SLC28A3: variants seen among roughly 807,000 people sequenced by gnomAD.
SLC28A3 encodes solute carrier family 28 member 3.
In SLC28A3, 68 loss-of-function variants were observed where a neutral mutation model predicts 84.2. That is an observed-to-expected ratio of 0.81 (90% CI 0.66 to 0.99). SLC28A3 has a LOEUF of 0.99. SLC28A3 is among the 50% of genes least tolerant of loss of function. The pLI, the probability that SLC28A3 is intolerant of heterozygous loss-of-function variation, is 0.00. For missense variants in SLC28A3, 712 were observed against 841.5 expected (o/e 0.85, Z 1.90); for synonymous variants, 267 against 303.6 (o/e 0.88, Z 1.25).
the SLC28A3 span, among the ~76,000 whole-genome samples, chr9:84,363,439 A>G: frequency 1.3e-5 from 2 of 152,166 alleles, no homozygotes; most frequent in African/African-American, 2.4e-5. Flanking sequence ...GACTATTCCC[A>G]TTGTTCATTC....
intron 5 of SLC28A3, among the ~76,000 whole-genome samples, chr9:84,301,349 C>CAAAAAA (rs59917986): frequency 9.8e-3 from 427 of 43,656 alleles, no homozygotes; most frequent in Middle Eastern, 0.019. Flanking sequence ...GACTCTGTCT[C>CAAAAAA]AAAAAAAAAA....
At chr9:84,312,522 C>G (rs1162174517) in intron 2 of SLC28A3, among the ~76,000 whole-genome samples, 1 of 150,372 alleles carries the variant, frequency 6.7e-6, no homozygotes, top group Non-Finnish European at 1.5e-5. Flanking sequence ...AAATGACACA[C>G]TAGTGGGCAC....
intron 15 of SLC28A3, among the ~76,000 whole-genome samples, 176 bp from the exon 16 acceptor site, chr9:84,280,249 A>G (rs959290634): frequency 2.0e-5 from 3 of 152,116 alleles, no homozygotes; most frequent in African/African-American, 7.2e-5. Flanking sequence ...ACATACAGAG[A>G]AATTCTCTGC....
upstream of SLC28A3, among the ~76,000 whole-genome samples, chr9:84,342,044 G>A (rs1340127002): frequency 6.8e-6 from 1 of 147,362 alleles, no homozygotes; most frequent in East Asian, 2.0e-4. Flanking sequence ...CGGGAGAATC[G>A]CTTGAACCCA....
chr9:84,304,686 A>G (rs1438637919), intron 4 of SLC28A3, among the ~76,000 whole-genome samples: 1 of 152,172 alleles, frequency 6.6e-6, no homozygotes, highest in Admixed American at 6.6e-5. Flanking sequence ...CCACCTGACA[A>G]TAACAAAGGC....
intron 3 of SLC28A3, among the ~76,000 whole-genome samples, chr9:84,308,583 T>C (rs545703137): frequency 3.3e-4 from 50 of 152,190 alleles, no homozygotes; most frequent in Admixed American, 3.0e-3. Flanking sequence ...GATTTAAAAT[T>C]AGCACCACTG....
intron 8 of SLC28A3, among the ~76,000 whole-genome samples, chr9:84,296,612 T>C (rs1475922531): frequency 6.6e-6 from 1 of 152,262 alleles, no homozygotes; most frequent in Non-Finnish European, 1.5e-5. Flanking sequence ...AGGAACTGAC[T>C]GTGGCCAGCC....
intron 1 of SLC28A3, among the ~76,000 whole-genome samples, chr9:84,338,660 G>T (rs73466592): frequency 0.072 from 11,025 of 152,154 alleles, 1,251 homozygotes; most frequent in African/African-American, 0.24. Flanking sequence ...GCAGCCAGTT[G>T]CTGTGACATG....
intron 12 of SLC28A3, among the ~76,000 whole-genome samples, chr9:84,287,708 G>A (rs1825051753): frequency 6.6e-6 from 1 of 152,046 alleles, no homozygotes; most frequent in Admixed American, 6.6e-5. Context: ...AAAAAAATTA[G>A]CTGAGAGTGG....
intron 1 of SLC28A3, among the ~76,000 whole-genome samples, chr9:84,334,086 C>T (rs1037637105): frequency 5.9e-5 from 9 of 152,156 alleles, no homozygotes; most frequent in Non-Finnish European, 1.3e-4. Context: ...GGGTGGATCA[C>T]GTGAGGTCAG....
rs1397830245 is a variant in SLC28A3 at position 84,277,780 on chromosome 9, T to G, written c.*438A>C. 6.4e-6 allele frequency: 1 copy of G among 155,044 alleles called. No homozygotes were observed. The highest frequency in any genetic ancestry group is 6.4e-5 in the Admixed American group (1 of 15,622). The allele number at this position is 155,044 out of a possible 1,614,324, so 9.6% of individuals were successfully genotyped here. On this transcript the variant is annotated 3_prime_UTR_variant, in exon 18 of 18. Transcript: ENST00000376238. Reference sequence around the variant, plus strand: ...ATGTGAGATTCAAGTTCAGGCTATTTCAGGTAAGCCAAGGTATATGCAGAG... The same window carrying G: ...ATGTGAGATTCAAGTTCAGGCTATTGCAGGTAAGCCAAGGTATATGCAGAG...
At chr9:84,305,664 G>A (rs1398576902) in intron 3 of SLC28A3, among the ~76,000 whole-genome samples, 1 of 152,174 alleles carries the variant, frequency 6.6e-6, no homozygotes, top group Non-Finnish European at 1.5e-5. Context: ...CAGGAAGAGA[G>A]TGTTTCTGGC....
In SLC28A3 at chr9:84,328,773, C is replaced by A. The variant is rs1826670538; in HGVS notation, c.60+11801G>T. Reference sequence around the variant, plus strand: ...GACTCTAAAAACAAAAAACAGAAAACAAAAATTAGCCAGGCACAGTGACAG... The same window carrying A: ...GACTCTAAAAACAAAAAACAGAAAAAAAAAATTAGCCAGGCACAGTGACAG... On this transcript the variant is annotated intron_variant, in intron 1 of 17. Coordinates refer to ENST00000376238, the MANE Select transcript of SLC28A3 (RefSeq NM_001199633.2). 2.0e-5 allele frequency among the ~76,000 whole-genome samples: 3 copies of A among 151,120 alleles called. No homozygotes were observed. The South Asian group carries it at 6.3e-4, about 32-fold the overall frequency.
intron 10 of SLC28A3, among the ~76,000 whole-genome samples, chr9:84,291,978 G>T (rs549276845): frequency 6.6e-6 from 1 of 152,144 alleles, no homozygotes; most frequent in African/African-American, 2.4e-5. Context: ...GCAAAAGAGC[G>T]TTTCTCCATG....
rs1186169825 is a variant in SLC28A3, at chr9:84,313,303, C to A, written c.156+56G>T. The stretch of plus-strand genomic sequence containing the variant: ...TTTCTGTGCCCACTGTTCTCAGGTG[C>A]CTGTTGCGCAGCGGCTGCCATGGTA... On this transcript the variant is annotated intron_variant, in intron 2 of 17. Transcript: ENST00000376238. The A allele has an allele frequency of 6.7e-6, 10 of 1,483,884 alleles. No individual in the cohort carries two copies. The South Asian group carries it at 1.0e-4, about 16-fold the overall frequency. The allele number at this position is 1,483,884 out of a possible 1,614,324, so 91.9% of individuals were successfully genotyped here. A position where few individuals can be genotyped will look rare whatever the true frequency, so the allele number is the denominator to read the frequency against.
At chr9:84,320,023 C>CCAG (rs939580291) in intron 1 of SLC28A3, among the ~76,000 whole-genome samples, 5 of 143,984 alleles carry the variant, frequency 3.5e-5, no homozygotes, top group African/African-American at 1.4e-4. Context: ...TTTACTCATT[C>CCAG]CAGCCTGGCT....
the SLC28A3 span, among the ~76,000 whole-genome samples, chr9:84,350,497 A>G: frequency 6.6e-6 from 1 of 151,908 alleles, no homozygotes; most frequent in Admixed American, 6.6e-5. Flanking sequence ...GAAAAATAAT[A>G]AATAAATAAA....
At chr9:84,305,508 A>G (rs1288634896) in intron 3 of SLC28A3, among the ~76,000 whole-genome samples, 163 bp from the exon 4 acceptor site, 2 of 152,210 alleles carry the variant, frequency 1.3e-5, no homozygotes, top group African/African-American at 2.4e-5. Context: ...TTCATTTTAG[A>G]CTAGAGTCAG....
At chr9:84,348,066 G>A in the SLC28A3 span, among the ~76,000 whole-genome samples, 1 of 152,102 alleles carries the variant, frequency 6.6e-6, no homozygotes, top group African/African-American at 2.4e-5. Flanking sequence ...CAAGTGCAGG[G>A]TTGGCACTTG....
Sources: allele counts gnomAD v4.1 joint callset (sites outside exome capture counted in the v4.1 genomes callset), GRCh38; gene constraint gnomAD v4.1.1; transcripts MANE v1.5; gene names NCBI Gene and HGNC (gene_info 2026-07-23, HGNC 2026-07-21).